Variants in STK3 observed in about 807,000 individuals in gnomAD.
The protein encoded by STK3 is serine/threonine-protein kinase 3.
STK3 carries 41 observed loss-of-function variants against 58.0 expected under a neutral mutation model. That is an observed-to-expected ratio of 0.71 (90% CI 0.55 to 0.92). The LOEUF (loss-of-function observed/expected upper bound fraction) is 0.92. Ranked by LOEUF, STK3 falls within the 40% of genes least tolerant of loss-of-function variation. The probability of loss-of-function intolerance (pLI) is 0.00; values close to 1 mark genes in which losing one functional copy is unlikely to be tolerated. For synonymous variants in STK3, 170 were observed against 191.0 expected (o/e 0.89, Z 0.91); for missense variants, 479 against 602.7 (o/e 0.79, Z 2.15).
intron 4 of STK3, among the ~76,000 whole-genome samples, chr8:98,743,440 A>G (rs1829387836): frequency 6.6e-6 from 1 of 152,190 alleles, no homozygotes; most frequent in Non-Finnish European, 1.5e-5. Flanking sequence ...TCATATCTAC[A>G]ACTATCTGAT....
chr8:98,586,175 A>T (rs1814572177), intron 7 of STK3, among the ~76,000 whole-genome samples: 1 of 151,092 alleles, frequency 6.6e-6, no homozygotes, highest in Non-Finnish European at 1.5e-5. Flanking sequence ...GTCTTGTGCC[A>T]GTTTTCAAAG....
chr8:98,620,500 A>C lies in STK3; in HGVS notation c.685-24331T>G, dbSNP rs192463645. Among the ~76,000 whole-genome samples, 4 of 149,470 alleles carry C rather than the reference A, an allele frequency of 2.7e-5. No individual in the cohort carries two copies. In the East Asian group the frequency reaches 7.7e-4, roughly 29 times the overall value. ...TAAATAAATAAATAAATAAATAAATAAAAAGGTCAACATCAAAAAAAAAAA... is the reference window on the plus strand; with the variant it reads ...TAAATAAATAAATAAATAAATAAATCAAAAGGTCAACATCAAAAAAAAAAA... On this transcript the variant is annotated intron_variant, in intron 6 of 10. Coordinates refer to ENST00000419617, the MANE Select transcript of STK3 (RefSeq NM_006281.4).
At chr8:98,393,139 G>T (rs78157438), upstream of STK3, among the ~76,000 whole-genome samples, 8 of 152,312 alleles carry the variant, frequency 5.3e-5, no homozygotes, top group Non-Finnish European at 1.0e-4. Flanking sequence ...CTTCTTGAAA[G>T]GTCCCTTGCC....
At chr8:98,897,913 C>T (rs934727302) in intron 1 of STK3, among the ~76,000 whole-genome samples, 2 of 152,144 alleles carry the variant, frequency 1.3e-5, no homozygotes, top group Admixed American at 6.5e-5. Flanking sequence ...ACGAGACAGC[C>T]CCTTACAGCT....
intron 6 of STK3, among the ~76,000 whole-genome samples, chr8:98,608,134 A>G (rs994115338): frequency 2.0e-5 from 3 of 152,178 alleles, no homozygotes; most frequent in Non-Finnish European, 2.9e-5. Flanking sequence ...TTACCAGAAA[A>G]CAAATGATTA....
chr8:98,478,411 G>A (rs1373140355), intron 10 of STK3, among the ~76,000 whole-genome samples: 9 of 152,104 alleles, frequency 5.9e-5, no homozygotes, highest in Non-Finnish European at 8.8e-5. Flanking sequence ...CATCGAGTTC[G>A]CCTCCCGAGC....
At chr8:98,713,200 C>A (rs1401794488) in intron 4 of STK3, among the ~76,000 whole-genome samples, 1 of 152,132 alleles carries the variant, frequency 6.6e-6, no homozygotes, top group Non-Finnish European at 1.5e-5. Context: ...CTAAAATTGA[C>A]ACCCTAACAT....
intron 3 of STK3, among the ~76,000 whole-genome samples, chr8:98,859,943 A>T (rs1270773647): frequency 1.3e-5 from 2 of 152,232 alleles, no homozygotes; most frequent in African/African-American, 2.4e-5. Context: ...ACTCAGAGAA[A>T]TAAAACTATT....
chr8:98,710,258 C>G (rs1012338359), intron 4 of STK3, among the ~76,000 whole-genome samples: 1 of 152,084 alleles, frequency 6.6e-6, no homozygotes, highest in Non-Finnish European at 1.5e-5. Flanking sequence ...ACTGAGGTAC[C>G]AGATTCATCT....
At chr8:98,655,327 A>C (rs1303950574) in intron 6 of STK3, among the ~76,000 whole-genome samples, 1 of 152,336 alleles carries the variant, frequency 6.6e-6, no homozygotes, top group Admixed American at 6.5e-5. Context: ...CTTATACAAA[A>C]ATTAATTCAA....
At chr8:98,656,013 T>G (rs566202598) in intron 6 of STK3, among the ~76,000 whole-genome samples, 3 of 150,062 alleles carry the variant, frequency 2.0e-5, no homozygotes. Context: ...ATAAATCATG[T>G]TGCTATAAAG....
At chr8:98,603,869 G>C (rs1323356565) in intron 6 of STK3, among the ~76,000 whole-genome samples, 1 of 152,142 alleles carries the variant, frequency 6.6e-6, no homozygotes, top group Non-Finnish European at 1.5e-5. Context: ...AGATGTCTAC[G>C]TTCTAATCCC....
chr8:98,543,630 CATG>C (rs935858876), intron 9 of STK3, among the ~76,000 whole-genome samples: 5 of 152,146 alleles, frequency 3.3e-5, no homozygotes, highest in African/African-American at 1.2e-4. Flanking sequence ...TAGGTACTTG[CATG>C]ATAACATTTC....
At chr8:98,855,922 C>T (rs1418884288) in intron 3 of STK3, among the ~76,000 whole-genome samples, 4 of 151,802 alleles carry the variant, frequency 2.6e-5, no homozygotes, top group Admixed American at 6.6e-5. Flanking sequence ...TTTGGGAGGC[C>T]GAGGTGGGTG....
intron 1 of STK3, among the ~76,000 whole-genome samples, chr8:98,811,608 A>G (rs1462688469): frequency 6.6e-6 from 1 of 152,178 alleles, no homozygotes; most frequent in East Asian, 1.9e-4. Flanking sequence ...AAAAAAAAAA[A>G]AAATACATCT....
At chr8:98,897,025 G>C (rs1838475845) in intron 1 of STK3, among the ~76,000 whole-genome samples, 1 of 150,620 alleles carries the variant, frequency 6.6e-6, no homozygotes, top group South Asian at 2.1e-4. Context: ...GAAAGAGAAA[G>C]AGAAAGAAAG....
intron 3 of STK3, among the ~76,000 whole-genome samples, chr8:98,838,988 T>G (rs866374398): frequency 4.8e-5 from 7 of 144,982 alleles, no homozygotes; most frequent in Admixed American, 2.1e-4. Context: ...TTTGTTTGTT[T>G]TGTGTGTGTG....
At chr8:98,919,386 A>G (rs894530001) in intron 1 of STK3, among the ~76,000 whole-genome samples, 3 of 152,202 alleles carry the variant, frequency 2.0e-5, no homozygotes, top group Admixed American at 6.5e-5. Flanking sequence ...TAGAGTTCAG[A>G]GATAGGACAC....
intron 10 of STK3, among the ~76,000 whole-genome samples, chr8:98,464,415 G>A (rs10100546): frequency 0.42 from 62,886 of 151,416 alleles, 13,274 homozygotes; most frequent in Admixed American, 0.54. Context: ...ATGAGAACAG[G>A]AAACACAACA....
Sources: gnomAD v4.1 joint callset for allele counts (sites outside exome capture counted in the v4.1 genomes callset) on GRCh38, gnomAD v4.1.1 for gene constraint, MANE v1.5 for transcripts, NCBI Gene and HGNC (gene_info 2026-07-23, HGNC 2026-07-21) for gene names.